TENM3: variants seen among roughly 807,000 people sequenced by gnomAD.
The protein encoded by TENM3 is teneurin transmembrane protein 3.
Under a neutral mutation model 255.1 loss-of-function variants are expected in TENM3, and 63 were observed. The observed-to-expected ratio is 0.25, with a 90% CI of 0.20 to 0.30. The LOEUF (loss-of-function observed/expected upper bound fraction) is 0.30. Among genes scored for constraint, TENM3 ranks in the 10% least tolerant of loss-of-function variants. The pLI is 1.00. For missense variants in TENM3, 2,929 were observed against 3,461.1 expected, an observed-to-expected ratio of 0.85 and a Z score of 3.86; for synonymous variants, 1,306 against 1,322.3, an observed-to-expected ratio of 0.99 and a Z score of 0.27.
the TENM3 span, among the ~76,000 whole-genome samples, chr4:182,119,605 G>A: frequency 1.3e-5 from 2 of 152,180 alleles, no homozygotes; most frequent in Non-Finnish European, 2.9e-5. Flanking sequence ...ACCTAAAGAA[G>A]TTGTTGATTT....
intron 3 of TENM3, among the ~76,000 whole-genome samples, chr4:182,431,356 T>G (rs1455347164): frequency 6.6e-6 from 1 of 151,598 alleles, no homozygotes; most frequent in Non-Finnish European, 1.5e-5. Flanking sequence ...TAGCTGGGCG[T>G]GGTGGCACAT....
the TENM3 span, among the ~76,000 whole-genome samples, chr4:181,810,676 AAAG>A: frequency 6.6e-6 from 1 of 152,104 alleles, no homozygotes; most frequent in Non-Finnish European, 1.5e-5. Context: ...TGTAGACAGA[AAAG>A]AAGTGATGTA....
the TENM3 span, among the ~76,000 whole-genome samples, chr4:182,054,070 C>A: frequency 2.6e-5 from 4 of 152,142 alleles, no homozygotes; most frequent in Admixed American, 2.6e-4. Context: ...AAATCAATAG[C>A]CCAGCATTCC....
the TENM3 span, among the ~76,000 whole-genome samples, chr4:182,035,989 C>A: frequency 1.3e-5 from 2 of 152,144 alleles, no homozygotes; most frequent in Non-Finnish European, 2.9e-5. Context: ...ATCACGGGGT[C>A]TTGTGCAGGC....
chr4:181,587,344 G>C, the TENM3 span, among the ~76,000 whole-genome samples: 858 of 152,096 alleles, frequency 5.6e-3, 11 homozygotes, highest in African/African-American at 0.02. Flanking sequence ...CTGTCTTCAT[G>C]GGCTCTGTAC....
chr4:181,536,784 A>G, the TENM3 span, among the ~76,000 whole-genome samples: 14 of 152,244 alleles, frequency 9.2e-5, no homozygotes, highest in Non-Finnish European at 1.9e-4. Flanking sequence ...ATTATTCAAT[A>G]AAGCATAGCT....
At chr4:181,646,074 C>T in the TENM3 span, among the ~76,000 whole-genome samples, 10 of 152,144 alleles carry the variant, frequency 6.6e-5, no homozygotes, top group South Asian at 2.1e-4. Flanking sequence ...CTCCAACATG[C>T]GCAAAGCCCT....
chr4:182,792,928 C>G lies in TENM3; in HGVS notation c.6256C>G (p.Arg2086Gly). The G allele has an allele frequency of 6.2e-7, 1 of 1,613,648 alleles. No homozygotes were observed. Among genetic ancestry groups the G allele is most frequent in the Non-Finnish European group, 8.5e-7 (1 of 1,179,732 alleles). Reference protein sequence around the residue: ...TYTKHFDAHGRIKEIQYEIFR... With the variant: ...TYTKHFDAHGGIKEIQYEIFR... ...TACGAAGCACTTTGATGCTCATGGCCGTATCAAGGAGATTCAATATGAGAT... is the reference window on the plus strand; with the variant it reads ...TACGAAGCACTTTGATGCTCATGGCGGTATCAAGGAGATTCAATATGAGAT... Residue 2086 changes from arginine (R) to glycine (G), a missense_variant, in exon 26 of 28, where the codon CGT becomes GGT. By Grantham distance (125) the Arg-to-Gly change is moderately radical. Transcript: ENST00000511685. This position sits in a 1 kb window ranked among gnomAD's most constrained non-coding sequence, Gnocchi z 6.3.
chr4:181,715,942 A>C, the TENM3 span, among the ~76,000 whole-genome samples: 1 of 152,328 alleles, frequency 6.6e-6, no homozygotes, highest in African/African-American at 2.4e-5. Flanking sequence ...CATCAGTCAC[A>C]TGGTCATCAA....
intron 1 of TENM3, among the ~76,000 whole-genome samples, chr4:182,146,129 C>G (rs1749949349): frequency 6.6e-6 from 1 of 152,152 alleles, no homozygotes; most frequent in Non-Finnish European, 1.5e-5. Flanking sequence ...AACAGACTGA[C>G]TTTAGAATTA....
At chr4:181,514,697 A>T in the TENM3 span, among the ~76,000 whole-genome samples, 1 of 152,194 alleles carries the variant, frequency 6.6e-6, no homozygotes, top group African/African-American at 2.4e-5. Flanking sequence ...ACTATAGCAA[A>T]GTCTAAGAAA....
chr4:182,058,837 T>C, the TENM3 span, among the ~76,000 whole-genome samples: 1 of 152,090 alleles, frequency 6.6e-6, no homozygotes, highest in Non-Finnish European at 1.5e-5. Context: ...CATAAAATAT[T>C]AGTTAAGGTG....
At chr4:182,660,496 A>G (rs1414755375) in intron 6 of TENM3, among the ~76,000 whole-genome samples, 1 of 152,130 alleles carries the variant, frequency 6.6e-6, no homozygotes, top group Non-Finnish European at 1.5e-5. Context: ...GTGCCAAGCA[A>G]TGATTGGAAC....
chr4:182,307,925 C>G (rs1186077128), intron 1 of TENM3, among the ~76,000 whole-genome samples: 2 of 152,222 alleles, frequency 1.3e-5, no homozygotes, highest in Admixed American at 6.5e-5. Flanking sequence ...CTGCCTTGCT[C>G]TCTGTGCCTG....
At chr4:182,394,802 T>C (rs1219415102) in intron 3 of TENM3, among the ~76,000 whole-genome samples, 1 of 152,212 alleles carries the variant, frequency 6.6e-6, no homozygotes, top group Non-Finnish European at 1.5e-5. Context: ...AGCTCTCATT[T>C]CAAGTATTCG....
intron 3 of TENM3, among the ~76,000 whole-genome samples, chr4:182,517,871 T>A (rs1738159964): frequency 6.6e-6 from 1 of 152,190 alleles, no homozygotes; most frequent in African/African-American, 2.4e-5. Context: ...TACTAATGCA[T>A]ATAAAACAAA....
the TENM3 span, among the ~76,000 whole-genome samples, chr4:181,740,352 A>G: frequency 3.2e-4 from 49 of 152,318 alleles, no homozygotes; most frequent in East Asian, 8.3e-3. Context: ...TAGGAATGAT[A>G]TGAGAATTTC....
the TENM3 span, among the ~76,000 whole-genome samples, chr4:181,899,568 GTTTTTTGGGGT>G: frequency 6.6e-6 from 1 of 151,364 alleles, no homozygotes; most frequent in Non-Finnish European, 1.5e-5. Flanking sequence ...TTTGTTTTTT[GTTTTTTGGGGT>G]TTTTTTTGAG....
At chr4:181,750,384 T>C in the TENM3 span, among the ~76,000 whole-genome samples, 1 of 152,146 alleles carries the variant, frequency 6.6e-6, no homozygotes, top group Admixed American at 6.5e-5. Context: ...TTTACCAACT[T>C]TATCACTTAT....
Sources: gnomAD v4.1 joint callset for allele counts (sites outside exome capture counted in the v4.1 genomes callset) on GRCh38, gnomAD v4.1.1 for gene constraint, Gnocchi (gnomAD v3.1) non-coding constraint, MANE v1.5 for transcripts, NCBI Gene and HGNC (gene_info 2026-07-23, HGNC 2026-07-21) for gene names.